Variants in TEX10 observed in about 807,000 individuals in gnomAD.
The protein encoded by TEX10 is testis expressed 10.
TEX10 carries 24 observed loss-of-function variants against 104.4 expected under a neutral mutation model. The ratio of observed to expected loss-of-function variants is 0.23; its 90% CI spans 0.17 to 0.32. The LOEUF (loss-of-function observed/expected upper bound fraction) is 0.32. Ranked by LOEUF, TEX10 falls within the 10% of genes least tolerant of loss-of-function variation. TEX10 has a pLI of 1.00. For missense variants in TEX10, 921 were observed against 1,083.9 expected, an observed-to-expected ratio of 0.85 and a Z score of 2.11; for synonymous variants, 396 against 393.4, an observed-to-expected ratio of 1.01 and a Z score of -0.08.
At chr9:100,330,203 T>C (rs1277741338) in intron 5 of TEX10, 34 bp from the exon 6 acceptor site, 1 of 1,414,754 alleles carries the variant, frequency 7.1e-7, no homozygotes, top group East Asian at 2.3e-5. Flanking sequence ...TATAAAGCAT[T>C]ACGTCTACCA....
chr9:100,338,308 C>T (rs1835063433), intron 5 of TEX10, among the ~76,000 whole-genome samples: 1 of 152,184 alleles, frequency 6.6e-6, no homozygotes, highest in Non-Finnish European at 1.5e-5. Context: ...GAACCAGAAT[C>T]ATCATGCCTC....
intron 5 of TEX10, among the ~76,000 whole-genome samples, chr9:100,334,309 T>C (rs1834950646): frequency 6.6e-6 from 1 of 151,592 alleles, no homozygotes; most frequent in Non-Finnish European, 1.5e-5. Context: ...TTAAGACTCA[T>C]AGCTGACTTC....
At chr9:100,327,685 G>T in intron 8 of TEX10, 102 bp downstream of exon 8, 1 of 870,404 alleles carries the variant, frequency 1.1e-6, no homozygotes, top group Non-Finnish European at 1.6e-6. Context: ...TACTAATTCA[G>T]ACTAAGGGAA....
intron 13 of TEX10, chr9:100,305,230 ATCTT>A (rs964960844): frequency 6.6e-6 from 1 of 152,180 alleles, no homozygotes; most frequent in Non-Finnish European, 1.5e-5. Context: ...TAGTTCCTAA[ATCTT>A]TCTAAGAGAA....
intron 4 of TEX10, among the ~76,000 whole-genome samples, chr9:100,344,396 T>C (rs1835249582): frequency 6.6e-6 from 1 of 152,198 alleles, no homozygotes; most frequent in South Asian, 2.1e-4. Flanking sequence ...GACCCAAAAC[T>C]AGCATAATTA....
rs1834614814 is a variant in TEX10 at position 100,323,184 on chromosome 9, T to G, written c.1980-1413A>C. 2.0e-5 allele frequency among the ~76,000 whole-genome samples: 3 copies of G among 152,230 alleles called. No homozygotes were observed. In the South Asian group the frequency reaches 6.2e-4, roughly 32 times the overall value. On this transcript the variant is annotated intron_variant, in intron 9 of 14. Coordinates refer to ENST00000374902, the MANE Select transcript of TEX10 (RefSeq NM_017746.4). ...TTATTTAACAGCCTATTTAAAATTC[T>G]GACCCTGTGAAAAGTGATAAATGAC...
chr9:100,328,023 C>CAA, intron 7 of TEX10, 61 bp from the exon 8 acceptor site: 3 of 1,271,368 alleles, frequency 2.4e-6, no homozygotes, highest in Non-Finnish European at 3.1e-6. Context: ...TAAATTTAAA[C>CAA]AAAAAAAAAA....
intron 5 of TEX10, among the ~76,000 whole-genome samples, chr9:100,336,839 A>G (rs1835023732): frequency 6.6e-6 from 1 of 152,142 alleles, no homozygotes; most frequent in Non-Finnish European, 1.5e-5. Flanking sequence ...TTTGCTAAGT[A>G]TTTAATGCAT....
At chr9:100,332,791 G>T (rs915264225) in intron 5 of TEX10, among the ~76,000 whole-genome samples, 14 of 151,546 alleles carry the variant, frequency 9.2e-5, no homozygotes, top group African/African-American at 3.4e-4. Context: ...ACTGCACTCC[G>T]GCCTGGGTGA....
At chr9:100,352,573 G>A in intron 1 of TEX10, 199 bp downstream of exon 1, 2 of 1,525,474 alleles carry the variant, frequency 1.3e-6, no homozygotes, top group South Asian at 1.2e-5. Context: ...CTCCGCAAAC[G>A]CCCTAGGGGG....
At chr9:100,312,728 C>G (rs12004561) in intron 11 of TEX10, among the ~76,000 whole-genome samples, 2 of 152,130 alleles carry the variant, frequency 1.3e-5, no homozygotes, top group Non-Finnish European at 2.9e-5. Context: ...CTACCATAAC[C>G]GTATAGAAGC....
chr9:100,342,424 G>A (rs1373720778), intron 4 of TEX10, among the ~76,000 whole-genome samples: 2 of 152,148 alleles, frequency 1.3e-5, no homozygotes, highest in Non-Finnish European at 2.9e-5. Flanking sequence ...GTCTAGAATA[G>A]TACTATTCAA....
Position 100,320,300 on chromosome 9 carries a change from A to C in TEX10, c.2167T>G (p.Leu723Val). 6.2e-7 allele frequency: 1 copy of C among 1,612,736 alleles called. No individual in the cohort carries two copies. Among genetic ancestry groups the C allele is most frequent in the Non-Finnish European group, 8.5e-7 (1 of 1,179,216 alleles). The change falls in exon 11 of 15, where the codon TTG becomes GTG. Residue 723 changes from leucine (L) to valine (V), a missense_variant. Leu to Val is a conservative substitution (Grantham distance 32). Coordinates refer to ENST00000374902, the MANE Select transcript of TEX10 (RefSeq NM_017746.4). The stretch of plus-strand genomic sequence containing the variant: ...TCCCAGTGGTGTAAAAATTGATCCA[A>C]ATCTGTAAGGTAGAGAAGCACAGGG... ...LSPVLLYLTDLDQFLHHWDVT... is the reference protein window; with the variant it reads ...LSPVLLYLTDVDQFLHHWDVT...
chr9:100,327,923 T>C lies in TEX10; in HGVS notation c.1665A>G (p.Leu555=). 1 of 1,595,352 alleles carries C rather than the reference T, an allele frequency of 6.3e-7. No individual in the cohort carries two copies. The highest frequency in any genetic ancestry group is 8.6e-7 in the Non-Finnish European group (1 of 1,167,594). ...SKVLSRWLAG[L]PLQLAHLGSR... ...AGCCAAGATGAGCAAGTTGCAATGG[T>C]AAGCCAGCCAGCCAACGGGATAACA... is the stretch of plus-strand genomic sequence containing the variant. The change falls in exon 8 of 15, where the codon TTA becomes TTG. Residue 555 remains leucine (L), a synonymous_variant. Transcript: ENST00000374902.
chr9:100,347,011 A>G lies in TEX10; in HGVS notation c.576T>C (p.His192=). The change falls in exon 3 of 15, where the codon CAT becomes CAC. Residue 192 remains histidine (H), a synonymous_variant. Coordinates refer to ENST00000374902, the MANE Select transcript of TEX10 (RefSeq NM_017746.4). The part of the protein sequence containing the change: ...LLKNFVELIS[H]QQLSKGLINR... ...TTATCAGTCCTTTGGACAGCTGCTG[A>G]TGAGAAATAAGTTCTACAAAATTCT... 1.9e-6 allele frequency: 3 copies of G among 1,614,180 alleles called. No homozygotes were observed. Among genetic ancestry groups the G allele is most frequent in the South Asian group, 1.1e-5 (1 of 91,080 alleles).
chr9:100,343,146 A>AC (rs1835214683), intron 4 of TEX10, among the ~76,000 whole-genome samples: 1 of 145,338 alleles, frequency 6.9e-6, no homozygotes, highest in African/African-American at 2.6e-5. Flanking sequence ...CCAAAAAAAA[A>AC]TAAATAAAAA....
intron 5 of TEX10, among the ~76,000 whole-genome samples, chr9:100,336,821 A>C (rs1233237264): frequency 1.3e-5 from 2 of 152,150 alleles, no homozygotes; most frequent in Non-Finnish European, 1.5e-5. Context: ...GCTGCTGTTC[A>C]CAGGCTATTT....
chr9:100,303,235 C>CAGAT (rs757566863), intron 14 of TEX10, among the ~76,000 whole-genome samples: 7 of 152,070 alleles, frequency 4.6e-5, no homozygotes, highest in Non-Finnish European at 8.8e-5. Flanking sequence ...CCCATTTTTA[C>CAGAT]AGATAGGAAA....
chr9:100,340,217 C>G (rs1340605912), intron 5 of TEX10, 40 bp downstream of exon 5: 1 of 1,270,626 alleles, frequency 7.9e-7, no homozygotes, highest in Non-Finnish European at 1.1e-6. Context: ...TCAGGTTAAA[C>G]AGCTTTTCAA....
Sources: allele counts gnomAD v4.1 joint callset (sites outside exome capture counted in the v4.1 genomes callset), GRCh38; gene constraint gnomAD v4.1.1; transcripts MANE v1.5; gene names NCBI Gene and HGNC (gene_info 2026-07-23, HGNC 2026-07-21).